CFAP52: variants seen among roughly 807,000 people sequenced by gnomAD.
CFAP52 encodes cilia and flagella associated protein 52, also known as cilia- and flagella-associated protein 52.
Under a neutral mutation model 70.5 loss-of-function variants are expected in CFAP52, and 57 were observed. The observed-to-expected ratio is 0.81, with a 90% CI of 0.65 to 1.01. The LOEUF (loss-of-function observed/expected upper bound fraction) is 1.01. Among genes scored for constraint, CFAP52 ranks in the 50% least tolerant of loss-of-function variants. The pLI, the probability that CFAP52 is intolerant of heterozygous loss-of-function variation, is 0.00. For missense variants in CFAP52, 785 were observed against 788.5 expected, an observed-to-expected ratio of 1.00 and a Z score of 0.05; for synonymous variants, 267 against 292.5, an observed-to-expected ratio of 0.91 and a Z score of 0.89.
chr17:9,600,721 C>T (rs748750084), intron 6 of CFAP52, among the ~76,000 whole-genome samples: 4 of 152,266 alleles, frequency 2.6e-5, no homozygotes, highest in Admixed American at 6.5e-5. Flanking sequence ...CCCGCCACCA[C>T]GCCCAGCTAA....
intron 3 of CFAP52, among the ~76,000 whole-genome samples, chr17:9,593,384 G>A (rs1169964382): frequency 2.0e-5 from 3 of 152,312 alleles, no homozygotes; most frequent in Admixed American, 6.5e-5. Context: ...CAGATCCCAC[G>A]TACTGAATCA....
At chr17:9,579,890 T>C (rs937233447) in intron 1 of CFAP52, among the ~76,000 whole-genome samples, 1 of 152,232 alleles carries the variant, frequency 6.6e-6, no homozygotes, top group African/African-American at 2.4e-5. Context: ...TTTAACTTTA[T>C]GGTATCAATA....
intron 3 of CFAP52, among the ~76,000 whole-genome samples, chr17:9,592,532 C>T (rs1366177705): frequency 6.6e-6 from 1 of 151,666 alleles, no homozygotes; most frequent in Admixed American, 6.6e-5. Context: ...ATCCCTCCTC[C>T]TCCAAGCCCC....
intron 8 of CFAP52, among the ~76,000 whole-genome samples, chr17:9,615,752 G>T (rs8067557): frequency 0.21 from 31,684 of 148,056 alleles, 4,268 homozygotes; most frequent in African/African-American, 0.38. Flanking sequence ...TGGGATGCAG[G>T]CATGTACCAC....
chr17:9,626,375 G>A (rs149896840), intron 8 of CFAP52, among the ~76,000 whole-genome samples: 10,004 of 152,072 alleles, frequency 0.066, 428 homozygotes, highest in African/African-American at 0.12. Context: ...GACTACAGGC[G>A]CACACCACCA....
intron 1 of CFAP52, among the ~76,000 whole-genome samples, chr17:9,585,466 A>G (rs1159688200): frequency 6.6e-6 from 1 of 152,148 alleles, no homozygotes; most frequent in Non-Finnish European, 1.5e-5. Context: ...CAGCAGTTCA[A>G]GACCAGCCTG....
chr17:9,576,792 G>A, intron 1 of CFAP52, 27 bp downstream of exon 1: 1 of 1,603,642 alleles, frequency 6.2e-7, no homozygotes, highest in Non-Finnish European at 8.5e-7. Context: ...CTTTGGGCTG[G>A]CTGGTTTAGG....
At chr17:9,583,734 G>C (rs1406300984) in intron 1 of CFAP52, among the ~76,000 whole-genome samples, 1 of 152,072 alleles carries the variant, frequency 6.6e-6, no homozygotes, top group Non-Finnish European at 1.5e-5. Context: ...AAATAAACAC[G>C]AAGAGCAATC....
chr17:9,600,198 TC>T lies in CFAP52; in HGVS notation c.753+16del. 6.2e-7 allele frequency: 1 copy of T among 1,603,660 alleles called. No individual in the cohort carries two copies. Among genetic ancestry groups the T allele is most frequent in the Non-Finnish European group, 8.5e-7 (1 of 1,170,672 alleles). On this transcript the variant is annotated intron_variant, in intron 6 of 13. Transcript: ENST00000352665. Reference sequence around the variant, plus strand: ...AATTCAGTTTGGTGAGTAGAGACCATCGCCACTGCCCTGCCATTTTTCTCCC... The same window carrying T: ...AATTCAGTTTGGTGAGTAGAGACCATGCCACTGCCCTGCCATTTTTCTCCC...
intron 9 of CFAP52, among the ~76,000 whole-genome samples, chr17:9,632,517 C>T (rs543372974): frequency 6.6e-6 from 1 of 152,192 alleles, no homozygotes; most frequent in South Asian, 2.1e-4. Flanking sequence ...TTATCACAAT[C>T]CAGGAGAAAG....
intron 13 of CFAP52, among the ~76,000 whole-genome samples, chr17:9,642,218 C>T (rs1218590017): frequency 6.6e-6 from 1 of 152,126 alleles, no homozygotes; most frequent in African/African-American, 2.4e-5. Context: ...GATGCCCTTC[C>T]CACCAAAACA....
intron 7 of CFAP52, 90 bp from the exon 8 acceptor site, chr17:9,612,219 C>A: frequency 6.8e-7 from 1 of 1,473,442 alleles, no homozygotes; most frequent in Non-Finnish European, 9.2e-7. Flanking sequence ...AAATTATATG[C>A]CTGATTTGTA....
chr17:9,598,760 C>CAAAAAAAA (rs71135996), intron 5 of CFAP52, among the ~76,000 whole-genome samples: 103,109 of 131,368 alleles, frequency 0.78, 42,797 homozygotes, highest in Non-Finnish European at 0.95. Flanking sequence ...CACTCTGTTT[C>CAAAAAAAA]AAAAAAAAAA....
chr17:9,586,640 A>G (rs1441863451), intron 2 of CFAP52, 58 bp from the exon 3 acceptor site: 2 of 1,508,644 alleles, frequency 1.3e-6, no homozygotes, highest in African/African-American at 1.4e-5. Context: ...AAGGGTAGCT[A>G]TCTCCTCAGA....
chr17:9,608,496 G>A (rs1909593769), intron 7 of CFAP52, among the ~76,000 whole-genome samples: 1 of 152,174 alleles, frequency 6.6e-6, no homozygotes, highest in Non-Finnish European at 1.5e-5. Flanking sequence ...AACACATTGA[G>A]CCATGATGAA....
intron 1 of CFAP52, among the ~76,000 whole-genome samples, chr17:9,577,990 G>T (rs1304091106): frequency 6.6e-6 from 1 of 152,212 alleles, no homozygotes; most frequent in African/African-American, 2.4e-5. Flanking sequence ...TACTTGAGAG[G>T]CTGAGGGAGG....
rs138750173 is a variant in CFAP52, at chr17:9,624,422, T to C, written c.1026-4250T>C. 9.0e-4 allele frequency among the ~76,000 whole-genome samples: 137 copies of C among 152,232 alleles called. 1 individual carries two copies. Among genetic ancestry groups the C allele is most frequent in the African/African-American group, 3.2e-3 (132 of 41,558 alleles). On this transcript the variant is annotated intron_variant, in intron 8 of 13. Coordinates refer to ENST00000352665, the MANE Select transcript of CFAP52 (RefSeq NM_145054.5). ...ATCTACCTTCCAGTTTACAGATTTT[T>C]CACCATCTCCAATCTGTCATTGAGT...
intron 11 of CFAP52, among the ~76,000 whole-genome samples, chr17:9,637,561 G>A (rs1910867825): frequency 6.6e-6 from 1 of 152,180 alleles, no homozygotes. Context: ...TAAGGCAGGG[G>A]TTCTATTATG....
At chr17:9,587,772 T>C (rs1004320849) in intron 3 of CFAP52, among the ~76,000 whole-genome samples, 4 of 152,220 alleles carry the variant, frequency 2.6e-5, no homozygotes, top group Non-Finnish European at 4.4e-5. Context: ...CTTTTTCAGA[T>C]GCCAAGTTTG....
Sources: gnomAD v4.1 joint callset for allele counts (sites outside exome capture counted in the v4.1 genomes callset) on GRCh38, gnomAD v4.1.1 for gene constraint, MANE v1.5 for transcripts, NCBI Gene and HGNC (gene_info 2026-07-23, HGNC 2026-07-21) for gene names.